Variants in ERC2 observed in about 807,000 individuals in gnomAD.
ERC2 encodes the protein ERC protein 2.
In ERC2, 42 loss-of-function variants were observed where a neutral mutation model predicts 114.8. The ratio of observed to expected loss-of-function variants is 0.37; its 90% CI spans 0.29 to 0.47. ERC2 has a LOEUF of 0.47. Ranked by LOEUF, ERC2 falls within the 20% of genes least tolerant of loss-of-function variation. The pLI is 0.99. For missense variants in ERC2, 939 were observed against 1,150.7 expected (o/e 0.82, Z 2.66); for synonymous variants, 454 against 425.5 (o/e 1.07, Z -0.82).
At chr3:56,379,969 G>A (rs1291137473) in intron 2 of ERC2, among the ~76,000 whole-genome samples, 1 of 152,142 alleles carries the variant, frequency 6.6e-6, no homozygotes, top group Non-Finnish European at 1.5e-5. Context: ...CATTATGAAC[G>A]TTAGGGCTGA....
In ERC2 at chr3:56,183,885, A is replaced by G. The variant is rs898829783; in HGVS notation, c.1075-10365T>C. ...TGTATTAGCCCATATATAAAGATATATATAAAAATATCTTTATATTCTTAT... is the reference window on the plus strand; with the variant it reads ...TGTATTAGCCCATATATAAAGATATGTATAAAAATATCTTTATATTCTTAT... On this transcript the variant is annotated intron_variant, in intron 3 of 17. Transcript: ENST00000288221. Among the ~76,000 whole-genome samples the G allele has an allele frequency of 4.6e-5, 7 of 152,240 alleles. No individual in the cohort carries two copies. In the East Asian group the frequency reaches 1.2e-3, roughly 25 times the overall value.
chr3:55,652,859 CAAAAAAAAAAAAAA>C (rs3059334), intron 17 of ERC2, among the ~76,000 whole-genome samples: 2 of 74,378 alleles, frequency 2.7e-5, no homozygotes, highest in Non-Finnish European at 5.2e-5. Context: ...GACTCTGTCT[CAAAAAAAAAAAAAA>C]AAAAAAAAAA....
At position 56,024,867 on chromosome 3, in the gene ERC2, C is replaced by T. The variant is rs558541155; in HGVS notation, c.1642-5836G>A. On this transcript the variant is annotated intron_variant, in intron 7 of 17. Coordinates refer to ENST00000288221, the MANE Select transcript of ERC2 (RefSeq NM_015576.3). ...TCAGACACTTCTCCAAATATGGTCC[C>T]GGCAACTCTTTGTTACCAGTCTTTG... Among the ~76,000 whole-genome samples, 111 of 152,284 alleles carry T rather than the reference C, an allele frequency of 7.3e-4. 1 individual carries two copies. The highest frequency in any genetic ancestry group is 2.6e-3 in the African/African-American group (106 of 41,558).
At chr3:56,148,339 G>A (rs2081251606) in intron 5 of ERC2, among the ~76,000 whole-genome samples, 1 of 152,038 alleles carries the variant, frequency 6.6e-6, no homozygotes, top group South Asian at 2.1e-4. Flanking sequence ...AGGCTGGAGT[G>A]CAGTGGTACC....
intron 14 of ERC2, among the ~76,000 whole-genome samples, chr3:55,835,927 A>G (rs1199920352): frequency 1.3e-5 from 2 of 151,676 alleles, no homozygotes; most frequent in East Asian, 1.9e-4. Context: ...AAATCAATGT[A>G]CAAAAATCAC....
intron 3 of ERC2, among the ~76,000 whole-genome samples, chr3:56,270,346 T>G (rs1220979182): frequency 6.6e-6 from 1 of 152,226 alleles, no homozygotes; most frequent in Non-Finnish European, 1.5e-5. Context: ...ATTTCCATTT[T>G]AAAATAAGCA....
intron 10 of ERC2, among the ~76,000 whole-genome samples, chr3:56,005,480 T>A (rs1470670555): frequency 3.3e-5 from 5 of 152,184 alleles, no homozygotes; most frequent in African/African-American, 1.2e-4. Flanking sequence ...GTCAAGTCAT[T>A]ACACGAAAAG....
intron 6 of ERC2, among the ~76,000 whole-genome samples, chr3:56,084,867 T>TA (rs35491624): frequency 0.35 from 46,138 of 132,914 alleles, 8,242 homozygotes; most frequent in East Asian, 0.53. Flanking sequence ...ATTTAAAAAT[T>TA]AAAAAAAAAA....
intron 13 of ERC2, among the ~76,000 whole-genome samples, chr3:55,926,552 C>T (rs900265120): frequency 1.3e-5 from 2 of 152,130 alleles, no homozygotes; most frequent in Non-Finnish European, 2.9e-5. Flanking sequence ...TGAAATGTAC[C>T]TATGTTCCAT....
intron 14 of ERC2, among the ~76,000 whole-genome samples, chr3:55,788,613 G>A (rs1037327817): frequency 6.6e-6 from 1 of 152,090 alleles, no homozygotes; most frequent in African/African-American, 2.4e-5. Flanking sequence ...TTTGGGTACT[G>A]CAACAATTCT....
chr3:56,174,819 A>G (rs1296372364), intron 3 of ERC2, among the ~76,000 whole-genome samples: 1 of 152,110 alleles, frequency 6.6e-6, no homozygotes, highest in Non-Finnish European at 1.5e-5. Flanking sequence ...CTCTACTAAA[A>G]ATACAAAAAT....
At chr3:56,151,132 T>C (rs1202893862) in intron 4 of ERC2, among the ~76,000 whole-genome samples, 2 of 152,158 alleles carry the variant, frequency 1.3e-5, no homozygotes, top group Non-Finnish European at 2.9e-5. Flanking sequence ...CTATAGTACT[T>C]TGCTAAGTCA....
chr3:56,009,745 G>A (rs748372126), intron 9 of ERC2, among the ~76,000 whole-genome samples: 1 of 152,142 alleles, frequency 6.6e-6, no homozygotes, highest in African/African-American at 2.4e-5. Flanking sequence ...CAAGAAAACT[G>A]AGAGGGTTAC....
intron 14 of ERC2, among the ~76,000 whole-genome samples, chr3:55,739,312 C>A (rs1253129273): frequency 6.6e-6 from 1 of 152,188 alleles, no homozygotes; most frequent in Non-Finnish European, 1.5e-5. Flanking sequence ...ATTTCTGGTT[C>A]TAGATCCTTG....
chr3:55,510,233 G>C lies in ERC2; in HGVS notation c.*1083C>G, dbSNP rs2051986330. ...TGTTTTCATGTTTGATGCTGAAAATGCTTTGGAATCCATGTTGCAGACACA... is the reference window on the plus strand; with the variant it reads ...TGTTTTCATGTTTGATGCTGAAAATCCTTTGGAATCCATGTTGCAGACACA... On this transcript the variant is annotated 3_prime_UTR_variant, in exon 18 of 18. Coordinates refer to ENST00000288221, the MANE Select transcript of ERC2 (RefSeq NM_015576.3). 1 of 150,602 alleles carries C rather than the reference G, an allele frequency of 6.6e-6. No homozygotes were observed. 9.3% of individuals were successfully genotyped at this position (150,602 alleles called of 1,614,324 possible).
chr3:55,979,517 A>G (rs957900280), intron 12 of ERC2, among the ~76,000 whole-genome samples: 4 of 152,226 alleles, frequency 2.6e-5, no homozygotes, highest in African/African-American at 9.6e-5. Context: ...TTCCATCAAA[A>G]CACTGTGAGA....
At chr3:56,184,561 G>C (rs1021043936) in intron 3 of ERC2, among the ~76,000 whole-genome samples, 1 of 152,134 alleles carries the variant, frequency 6.6e-6, no homozygotes, top group African/African-American at 2.4e-5. Context: ...CCATGGAAAA[G>C]GTGCAGCCAC....
At chr3:56,200,226 C>T (rs1039572423) in intron 3 of ERC2, among the ~76,000 whole-genome samples, 1 of 152,004 alleles carries the variant, frequency 6.6e-6, no homozygotes, top group Admixed American at 6.6e-5. Context: ...CCAAGAAACC[C>T]TCACACAGAG....
At chr3:56,291,309 G>A (rs559429977) in intron 3 of ERC2, among the ~76,000 whole-genome samples, 3 of 152,176 alleles carry the variant, frequency 2.0e-5, no homozygotes, top group South Asian at 4.1e-4. Flanking sequence ...GCTGAGTTTC[G>A]GCCAACCCTT....
Sources: gnomAD v4.1 joint callset for allele counts (sites outside exome capture counted in the v4.1 genomes callset) on GRCh38, gnomAD v4.1.1 for gene constraint, MANE v1.5 for transcripts, NCBI Gene and HGNC (gene_info 2026-07-23, HGNC 2026-07-21) for gene names.